RAVER1: variants seen among roughly 807,000 people sequenced by gnomAD.
RAVER1 encodes the protein ribonucleoprotein PTB-binding 1.
A neutral mutation model predicts 68.4 loss-of-function variants in RAVER1; 36 were observed. The ratio of observed to expected loss-of-function variants is 0.53; its 90% CI spans 0.40 to 0.70. The LOEUF is 0.70. Ranked by LOEUF, RAVER1 falls within the 30% of genes least tolerant of loss-of-function variation. The pLI, the probability that RAVER1 is intolerant of heterozygous loss-of-function variation, is 0.00. For synonymous variants in RAVER1, 469 were observed against 472.7 expected (o/e 0.99, Z 0.10); for missense variants, 933 against 1,019.8 (o/e 0.91, Z 1.16).
chr19:10,331,684 C>CAAA (rs61614587), intron 1 of RAVER1, among the ~76,000 whole-genome samples: 826 of 68,886 alleles, frequency 0.012, 16 homozygotes, highest in Middle Eastern at 0.02. Flanking sequence ...GACTCCGTCT[C>CAAA]AAAAAAAAAA....
At chr19:10,318,945 C>T (rs548082547) in intron 10 of RAVER1, among the ~76,000 whole-genome samples, 1 of 152,170 alleles carries the variant, frequency 6.6e-6, no homozygotes, top group Admixed American at 6.5e-5. Context: ...TTTGGGAGGC[C>T]AAAGTGGGAG....
In RAVER1 at chr19:10,321,029, G is replaced by T; in HGVS notation, c.1473+19C>A. 6.9e-7 allele frequency: 1 copy of T among 1,450,966 alleles called. No individual in the cohort carries two copies. The highest frequency in any genetic ancestry group is 9.0e-7 in the Non-Finnish European group (1 of 1,105,498). The allele number at this position is 1,450,966 out of a possible 1,614,324, so 89.9% of individuals were successfully genotyped here. A position where few individuals can be genotyped will look rare whatever the true frequency, so the allele number is the denominator to read the frequency against. ...GAACAGGAGGCTGGTGTGGTGCCGC[G>T]CGCAGGGCAGGGCCTTACCCCAGGG... is the stretch of plus-strand genomic sequence containing the variant. On this transcript the variant is annotated intron_variant, in intron 8 of 12. Coordinates refer to ENST00000617231, the MANE Select transcript of RAVER1 (RefSeq NM_133452.3).
chr19:10,324,019 A>G (rs934241866), intron 3 of RAVER1, among the ~76,000 whole-genome samples: 5 of 152,060 alleles, frequency 3.3e-5, no homozygotes, highest in African/African-American at 1.2e-4. Context: ...GTGGTGGCAC[A>G]TGCCTGTATT....
At position 10,323,561 on chromosome 19, in the gene RAVER1, C is replaced by T. The variant is rs550383395; in HGVS notation, c.762G>A (p.Ala254=). Residue 254 remains alanine, a synonymous_variant, in exon 4 of 13, where the codon GCG becomes GCA. Transcript: ENST00000617231. The surrounding 1 kb of genome is among the most constrained non-coding windows in gnomAD (Gnocchi z 6.2). ...CCTTCAGCTGCCCATCCTGGCCGCA[C>T]GCCAGCTGCCGGAGGAAGGCAGGCA... ...AVHSPTFCQL[A]CGQDGQLKGF... 8 of 1,580,314 alleles carry T rather than the reference C, an allele frequency of 5.1e-6. No individual in the cohort carries two copies. The highest frequency in any genetic ancestry group is 1.7e-5 in the Admixed American group (1 of 57,368).
rs372644927 is a variant in RAVER1, at chr19:10,321,207, C to T, written c.1314G>A (p.Leu438=). 2.7e-3 allele frequency: 3,390 copies of T among 1,276,582 alleles called. 7 individuals are homozygous for T. The highest frequency in any genetic ancestry group is 3.2e-3 in the Non-Finnish European group (3,197 of 1,007,920). The allele number at this position is 1,276,582 out of a possible 1,614,324, so 79.1% of individuals were successfully genotyped here. A position where few individuals can be genotyped will look rare whatever the true frequency, so the allele number is the denominator to read the frequency against. ...LPPRRGKPPP[L]LPSVLGPAGG... Reference sequence around the variant, plus strand: ...CAGCAGGGCCAAGCACGGATGGCAGCAGGGGTGGTGGCTTCCCTCGCCGGG... The same window carrying T: ...CAGCAGGGCCAAGCACGGATGGCAGTAGGGGTGGTGGCTTCCCTCGCCGGG... Residue 438 remains leucine, a synonymous_variant, in exon 8 of 13, where the codon CTG becomes CTA. Coordinates refer to ENST00000617231, the MANE Select transcript of RAVER1 (RefSeq NM_133452.3).
intron 9 of RAVER1, among the ~76,000 whole-genome samples, chr19:10,320,104 G>C (rs1043649182): frequency 6.6e-6 from 1 of 152,132 alleles, no homozygotes; most frequent in Non-Finnish European, 1.5e-5. Context: ...AAAGACAGAC[G>C]CAGGATGACA....
rs751764841 is a variant in RAVER1, at chr19:10,319,265, T to C, written c.1771-25A>G. The C allele has an allele frequency of 1.5e-5, 24 of 1,611,436 alleles. No homozygotes were observed. The South Asian group carries it at 2.5e-4, about 17-fold the overall frequency. On this transcript the variant is annotated intron_variant, in intron 9 of 12. Coordinates refer to ENST00000617231, the MANE Select transcript of RAVER1 (RefSeq NM_133452.3). ...CCTGAATGAAAGCGGGAGAAGCACA[T>C]TGGGTTGGAGTCTGTCCCAGCCTCA... is the stretch of plus-strand genomic sequence containing the variant.
Position 10,318,277 on chromosome 19 carries a change from G to A in RAVER1, c.1941C>T (p.Tyr647=), listed in dbSNP as rs767869233. ...GGCCAGCCTGCAGGCCGCTGGTGAA[G>A]TAGGAAGTGGGCGAGCCTGAATAGA... ...SHFYSGSPTS[Y]FTSGLQAGLK... is the part of the protein sequence containing the mutation. Residue 647 remains tyrosine (Y), a synonymous_variant, in exon 11 of 13, where the codon TAC becomes TAT. Transcript: ENST00000617231. 6.2e-7 allele frequency: 1 copy of A among 1,606,276 alleles called. No individual in the cohort carries two copies. The highest frequency in any genetic ancestry group is 8.5e-7 in the Non-Finnish European group (1 of 1,177,082).
At chr19:10,325,096 C>A (rs1192565631) in intron 3 of RAVER1, among the ~76,000 whole-genome samples, 1 of 152,134 alleles carries the variant, frequency 6.6e-6, no homozygotes, top group Non-Finnish European at 1.5e-5. Context: ...TCTTGGCTCA[C>A]TGCAACCTCC....
intron 9 of RAVER1, 51 bp downstream of exon 9, chr19:10,320,604 T>G: frequency 1.4e-6 from 2 of 1,471,490 alleles, no homozygotes; most frequent in Non-Finnish European, 1.8e-6. Flanking sequence ...AAATATCAGT[T>G]TGGAGAATGA....
rs767828068 is a variant in RAVER1 at position 10,319,269 on chromosome 19, G to T, written c.1771-29C>A. The T allele has an allele frequency of 4.4e-6, 7 of 1,607,564 alleles. No individual in the cohort carries two copies. The Admixed American group carries it at 6.7e-5, about 15-fold the overall frequency. ...AATGAAAGCGGGAGAAGCACATTGG[G>T]TTGGAGTCTGTCCCAGCCTCACCCC... On this transcript the variant is annotated intron_variant, in intron 9 of 12. Transcript: ENST00000617231.
chr19:10,328,337 G>A lies in RAVER1; in HGVS notation c.756+305C>T, dbSNP rs1266985556. Among the ~76,000 whole-genome samples the A allele has an allele frequency of 1.3e-5, 2 of 152,128 alleles. No individual in the cohort carries two copies. The stretch of plus-strand genomic sequence containing the variant: ...CCAGCACTTTGGGAGGATCACCTGA[G>A]GCCAGGAGTTCAAGACTATCCTGGC... On this transcript the variant is annotated intron_variant, in intron 3 of 12. Coordinates refer to ENST00000617231, the MANE Select transcript of RAVER1 (RefSeq NM_133452.3). This position sits in a 1 kb window ranked among gnomAD's most constrained non-coding sequence, Gnocchi z 4.4.
At position 10,332,993 on chromosome 19, in the gene RAVER1, C is replaced by G. The variant is rs1338351245; in HGVS notation, c.219+296G>C. 2.0e-5 allele frequency among the ~76,000 whole-genome samples: 3 copies of G among 152,310 alleles called. No homozygotes were observed. The East Asian group carries it at 5.8e-4, about 29-fold the overall frequency. ...AATGTACCAGCCCATTCACAATTCC[C>G]CAACAGGACCAAAGCTGTCCGCCCC... On this transcript the variant is annotated intron_variant, in intron 1 of 12. Coordinates refer to ENST00000617231, the MANE Select transcript of RAVER1 (RefSeq NM_133452.3).
chr19:10,316,693 C>T lies in RAVER1; in HGVS notation c.*761G>A, dbSNP rs1032370253. ...CTTCTACTGTCCCCAGGGTGGAGAT[C>T]CTGGGTAGGGTGGCCCAATCCCTAG... On this transcript the variant is annotated 3_prime_UTR_variant, in exon 13 of 13. Transcript: ENST00000617231. The T allele has an allele frequency of 2.2e-6, 1 of 452,714 alleles. No individual in the cohort carries two copies. The highest frequency in any genetic ancestry group is 6.4e-5 in the Admixed American group (1 of 15,610). 28.0% of individuals were successfully genotyped at this position (452,714 alleles called of 1,614,324 possible).
In RAVER1 at chr19:10,320,801, G is replaced by C; in HGVS notation, c.1624C>G (p.Pro542Ala). 1 of 1,513,528 alleles carries C rather than the reference G, an allele frequency of 6.6e-7. No homozygotes were observed. Among genetic ancestry groups the C allele is most frequent in the Non-Finnish European group, 8.8e-7 (1 of 1,139,242 alleles). The allele number at this position is 1,513,528 out of a possible 1,614,324, so 93.8% of individuals were successfully genotyped here. The change falls in exon 9 of 13, where the codon CCC (proline) becomes GCC (alanine). Residue 542 changes from proline (P) to alanine (A), a missense_variant. Pro to Ala is a conservative substitution (Grantham distance 27). This residue lies in a region of RAVER1 where 699 missense variants were observed against 731.1 expected (regional missense o/e 0.96). Coordinates refer to ENST00000617231, the MANE Select transcript of RAVER1 (RefSeq NM_133452.3). ...AGRSRRPAEG[P>A]PTNPPAPGGG... ...CCAGGGGCTGGGGGGTTAGTTGGGG[G>C]GCCCTCAGCTGGGCGGCGGCTTCTC...
rs1298761720 is a variant in RAVER1 at position 10,320,647 on chromosome 19, G to C, written c.1770+8C>G. ...TTAGGGGACAGAGAGCTGCAGCCAG[G>C]CACTCACCGAGGGGTAGTCGAAGCT... is the stretch of plus-strand genomic sequence containing the variant. On this transcript the variant is annotated splice_region_variant and intron_variant, in intron 9 of 12. Transcript: ENST00000617231. The C allele has an allele frequency of 1.3e-6, 2 of 1,547,330 alleles. No individual in the cohort carries two copies. The highest frequency in any genetic ancestry group is 4.1e-5 in the Admixed American group (2 of 48,284).
chr19:10,316,410 G>C lies in RAVER1; in HGVS notation c.*1044C>G. On this transcript the variant is annotated 3_prime_UTR_variant, in exon 13 of 13. Coordinates refer to ENST00000617231, the MANE Select transcript of RAVER1 (RefSeq NM_133452.3). ...CAGGTCCTGCTGGTGGGCGGGCCCA[G>C]AGTTTATCTTCATGGAGTGCTGGTT... is the stretch of plus-strand genomic sequence containing the variant. 9.7e-7 allele frequency: 1 copy of C among 1,031,208 alleles called. No individual in the cohort carries two copies. Among genetic ancestry groups the C allele is most frequent in the African/African-American group, 1.7e-5 (1 of 58,000 alleles). The allele number at this position is 1,031,208 out of a possible 1,614,324, so 63.9% of individuals were successfully genotyped here. A position where few individuals can be genotyped will look rare whatever the true frequency, so the allele number is the denominator to read the frequency against.
rs964853713 is a variant in RAVER1 at position 10,321,348 on chromosome 19, G to A, written c.1262-89C>T. 1.8e-5 allele frequency: 15 copies of A among 814,628 alleles called. No individual in the cohort carries two copies. In the African/African-American group the frequency reaches 2.3e-4, roughly 13 times the overall value. 50.5% of individuals were successfully genotyped at this position (814,628 alleles called of 1,614,324 possible). The stretch of plus-strand genomic sequence containing the variant: ...AGCTCCCACCTGGACCAGGGCCCAG[G>A]GGTCAAGAGACAAATCCATGCTGGC... On this transcript the variant is annotated intron_variant, in intron 7 of 12. Transcript: ENST00000617231.
chr19:10,317,600 T>C lies in RAVER1; in HGVS notation c.2074A>G (p.Thr692Ala), dbSNP rs2040400302. The C allele has an allele frequency of 1.9e-6, 3 of 1,605,008 alleles. No homozygotes were observed. Among genetic ancestry groups the C allele is most frequent in the Non-Finnish European group, 2.6e-6 (3 of 1,175,742 alleles). ...CTGCGTTTCTGGCCGCCCAGTGGGGTCTGGAGACAGAGGGCAGGGCGGGGC... is the reference window on the plus strand; with the variant it reads ...CTGCGTTTCTGGCCGCCCAGTGGGGCCTGGAGACAGAGGGCAGGGCGGGGC... ...GPNGHSHLLK[T>A]PLGGQKRSFA... Residue 692 changes from threonine to alanine, a missense_variant and splice_region_variant, in exon 13 of 13, where the codon ACC becomes GCC. By Grantham distance (58) the Thr-to-Ala change is moderately conservative. Around this residue, in one of 3 missense-constraint regions of RAVER1, gnomAD observed 699 missense variants for 731.1 expected, o/e 0.96. Transcript: ENST00000617231. This position sits in a 1 kb window ranked among gnomAD's most constrained non-coding sequence, Gnocchi z 4.3.
Sources: allele counts gnomAD v4.1 joint callset (sites outside exome capture counted in the v4.1 genomes callset), GRCh38; gene constraint gnomAD v4.1.1; regional missense constraint gnomAD v4.1.1; non-coding constraint Gnocchi (gnomAD v3.1); transcripts MANE v1.5; gene names NCBI Gene and HGNC (gene_info 2026-07-23, HGNC 2026-07-21).